Variants in LDLRAD4 observed in about 807,000 individuals in gnomAD.
LDLRAD4 encodes the protein low density lipoprotein receptor class A domain containing 4, also known as low-density lipoprotein receptor class A domain-containing protein 4.
In LDLRAD4, 5 loss-of-function variants were observed where a neutral mutation model predicts 17.0. The observed-to-expected ratio is 0.29, with a 90% CI of 0.15 to 0.62. LDLRAD4 has a LOEUF of 0.62. Ranked by LOEUF, LDLRAD4 falls within the 20% of genes least tolerant of loss-of-function variation. The pLI is 0.84. For missense variants in LDLRAD4, 340 were observed against 424.7 expected, an observed-to-expected ratio of 0.80 and a Z score of 1.75; for synonymous variants, 168 against 171.8, an observed-to-expected ratio of 0.98 and a Z score of 0.17.
intron 1 of LDLRAD4, among the ~76,000 whole-genome samples, chr18:13,247,723 C>T (rs2043025800): frequency 6.6e-6 from 1 of 152,136 alleles, no homozygotes; most frequent in South Asian, 2.1e-4. Context: ...TGTCTTGCAT[C>T]TCTAGTCACC....
At chr18:13,313,817 C>T (rs1188029304) in intron 1 of LDLRAD4, among the ~76,000 whole-genome samples, 9 of 130,048 alleles carry the variant, frequency 6.9e-5, no homozygotes, top group African/African-American at 1.6e-4. Flanking sequence ...AGCCAACAGC[C>T]GTGTGCGGGG....
chr18:13,560,568 C>T (rs1410083650), intron 3 of LDLRAD4, among the ~76,000 whole-genome samples: 2 of 152,152 alleles, frequency 1.3e-5, no homozygotes, highest in South Asian at 2.1e-4. Flanking sequence ...TAAAGACCTT[C>T]ATAACGCCAA....
At chr18:13,438,488 G>T in intron 3 of LDLRAD4, 104 bp downstream of exon 4, 1 of 886,210 alleles carries the variant, frequency 1.1e-6, no homozygotes. Context: ...TCTGGTTAAG[G>T]AAAGAGATTT....
chr18:13,387,695 T>A, exon 2 of LDLRAD4: 2 of 1,613,122 alleles, frequency 1.2e-6, no homozygotes, highest in Non-Finnish European at 8.5e-7. Flanking sequence ...GCGCAAGAGT[T>A]GGAGCACAGG....
chr18:13,440,592 G>T lies in LDLRAD4; in HGVS notation c.181+2208G>T, dbSNP rs1301419718. 1.3e-5 allele frequency among the ~76,000 whole-genome samples: 2 copies of T among 152,206 alleles called. No homozygotes were observed. Among genetic ancestry groups the T allele is most frequent in the Admixed American group, 1.3e-4 (2 of 15,290 alleles). On this transcript the variant is annotated intron_variant, in intron 3 of 5. Coordinates refer to ENST00000359446, the Ensembl canonical transcript of LDLRAD4. This position sits in a 1 kb window ranked among gnomAD's most constrained non-coding sequence, Gnocchi z 4.4. Reference sequence around the variant, plus strand: ...CGGAATGACAAAGGGCAGGACTGTGGCTGTGGCTTCAGATTGATCTGGGTT... The same window carrying T: ...CGGAATGACAAAGGGCAGGACTGTGTCTGTGGCTTCAGATTGATCTGGGTT...
chr18:13,389,244 C>T (rs1368089331), intron 2 of LDLRAD4, among the ~76,000 whole-genome samples: 1 of 152,056 alleles, frequency 6.6e-6, no homozygotes. Flanking sequence ...CTCGTGGATA[C>T]TCCTCCCCTC....
chr18:13,516,008 C>G (rs2093860435), intron 3 of LDLRAD4: 1 of 152,052 alleles, frequency 6.6e-6, no homozygotes, highest in African/African-American at 2.4e-5. Flanking sequence ...AGAGACGGGA[C>G]CTTACCATGT....
intron 1 of LDLRAD4, among the ~76,000 whole-genome samples, chr18:13,242,512 A>T (rs1183323475): frequency 6.6e-6 from 1 of 152,212 alleles, no homozygotes; most frequent in Non-Finnish European, 1.5e-5. Context: ...TTTTTAGAAC[A>T]ATAGTAAAGA....
chr18:13,350,879 A>G (rs1168687641), intron 1 of LDLRAD4, among the ~76,000 whole-genome samples: 1 of 152,178 alleles, frequency 6.6e-6, no homozygotes, highest in East Asian at 1.9e-4. Flanking sequence ...CCATTTATTA[A>G]ATAGGGAATC....
chr18:13,331,737 G>GAAC (rs2081877264), intron 1 of LDLRAD4, among the ~76,000 whole-genome samples: 1 of 152,310 alleles, frequency 6.6e-6, no homozygotes, highest in Non-Finnish European at 1.5e-5. Flanking sequence ...CTATAACCAT[G>GAAC]AACAGTATAC....
intron 3 of LDLRAD4, among the ~76,000 whole-genome samples, chr18:13,532,258 A>T (rs2094140224): frequency 6.6e-6 from 1 of 152,232 alleles, no homozygotes; most frequent in South Asian, 2.1e-4. Flanking sequence ...GCAGCGAAGC[A>T]GCCGACTTCT....
chr18:13,270,928 T>G (rs1383071208), intron 1 of LDLRAD4, among the ~76,000 whole-genome samples: 1 of 152,348 alleles, frequency 6.6e-6, no homozygotes, highest in East Asian at 1.9e-4. Flanking sequence ...ACATATGTAT[T>G]TGGATATTAT....
At chr18:13,437,868 C>T (rs539185023) in intron 2 of LDLRAD4, among the ~76,000 whole-genome samples, 54 of 152,336 alleles carry the variant, frequency 3.5e-4, no homozygotes, top group Non-Finnish European at 6.3e-4. Flanking sequence ...CCCCCATTCT[C>T]GGAAGTGTGG....
chr18:13,450,336 C>CG (rs199918638), intron 3 of LDLRAD4, among the ~76,000 whole-genome samples: 3 of 119,672 alleles, frequency 2.5e-5, no homozygotes, highest in Admixed American at 7.8e-5. Flanking sequence ...ACCCCCCCCC[C>CG]CAAAAAAACA....
intron 4 of LDLRAD4, among the ~76,000 whole-genome samples, chr18:13,641,108 T>C (rs1395960548): frequency 2.0e-5 from 3 of 152,200 alleles, no homozygotes; most frequent in African/African-American, 7.2e-5. Context: ...TGATGAGATG[T>C]CAACAGCAAC....
chr18:13,302,098 TAACAAC>T (rs916279925), intron 1 of LDLRAD4, among the ~76,000 whole-genome samples: 3 of 152,260 alleles, frequency 2.0e-5, no homozygotes, highest in Non-Finnish European at 4.4e-5. Flanking sequence ...GTAGTTATTT[TAACAAC>T]AACAACAACA....
At chr18:13,268,374 T>C (rs985471069) in intron 1 of LDLRAD4, among the ~76,000 whole-genome samples, 2 of 152,208 alleles carry the variant, frequency 1.3e-5, no homozygotes, top group African/African-American at 4.8e-5. Flanking sequence ...CTTCTTGGTC[T>C]TTATATGCAC....
intron 3 of LDLRAD4, among the ~76,000 whole-genome samples, chr18:13,566,183 A>C (rs1296762509): frequency 6.6e-6 from 1 of 151,866 alleles, no homozygotes; most frequent in Non-Finnish European, 1.5e-5. Context: ...AGCCAATGAG[A>C]CCCCCGTCAG....
chr18:13,371,588 C>A (rs1206308974), intron 1 of LDLRAD4, among the ~76,000 whole-genome samples: 2 of 152,018 alleles, frequency 1.3e-5, no homozygotes, highest in Non-Finnish European at 2.9e-5. Flanking sequence ...CATGATGAAA[C>A]CCCATCTCCC....
Sources: allele counts gnomAD v4.1 joint callset (sites outside exome capture counted in the v4.1 genomes callset), GRCh38; gene constraint gnomAD v4.1.1; non-coding constraint Gnocchi (gnomAD v3.1); transcripts MANE v1.5; gene names NCBI Gene and HGNC (gene_info 2026-07-23, HGNC 2026-07-21).